EIF3B: variants seen among roughly 807,000 people sequenced by gnomAD.
The protein encoded by EIF3B is eukaryotic translation initiation factor 3 subunit B, also known as eukaryotic translation initiation factor 3 subunit 9.
A neutral mutation model predicts 104.6 loss-of-function variants in EIF3B; 10 were observed. The ratio of observed to expected loss-of-function variants is 0.10; its 90% confidence interval spans 0.06 to 0.16. The LOEUF (loss-of-function observed/expected upper bound fraction) is 0.16. Ranked by LOEUF, EIF3B falls within the 10% of genes least tolerant of loss-of-function variation. The pLI is 1.00. For synonymous variants in EIF3B, 542 were observed against 417.2 expected (o/e 1.30, Z -3.65); for missense variants, 1,014 against 1,087.9 (o/e 0.93, Z 0.96).
At chr7:2,363,186 G>C in intron 4 of EIF3B, 59 bp downstream of exon 4, 1 of 1,511,084 alleles carries the variant, frequency 6.6e-7, no homozygotes, top group Non-Finnish European at 9.2e-7. Flanking sequence ...GGTGTGGTGG[G>C]TCACACCTGC....
At chr7:2,372,540 C>A in intron 11 of EIF3B, 133 bp from the exon 12 acceptor site, 3 of 1,148,748 alleles carry the variant, frequency 2.6e-6, no homozygotes, top group African/African-American at 3.1e-5. Flanking sequence ...GTTGCTTGCT[C>A]TCCCGTCCTT....
At position 2,355,038 on chromosome 7, in the gene EIF3B, G is replaced by C; in HGVS notation, c.117G>C (p.Gly39=). The C allele has an allele frequency of 1.0e-5, 12 of 1,202,906 alleles. No individual in the cohort carries two copies. The highest frequency in any genetic ancestry group is 1.2e-5 in the Non-Finnish European group (12 of 970,202). 74.5% of individuals were successfully genotyped at this position (1,202,906 alleles called of 1,614,324 possible). A position where few individuals can be genotyped will look rare whatever the true frequency, so the allele number is the denominator to read the frequency against. The change falls in exon 1 of 19, where the codon GGG becomes GGC. Residue 39 remains glycine, a synonymous_variant. Coordinates refer to ENST00000360876, the MANE Select transcript of EIF3B (RefSeq NM_001037283.2). ...PPAEGLLRPA[G]PGAPEAAGTE... ...CCGAGGGGCTGCTGCGGCCCGCGGGGCCCGGCGCTCCGGAGGCCGCGGGGA... is the reference window on the plus strand; with the variant it reads ...CCGAGGGGCTGCTGCGGCCCGCGGGCCCCGGCGCTCCGGAGGCCGCGGGGA...
chr7:2,356,459 G>T (rs1425076613), intron 1 of EIF3B, among the ~76,000 whole-genome samples: 1 of 151,968 alleles, frequency 6.6e-6, no homozygotes, highest in African/African-American at 2.4e-5. Context: ...AAAATTAGCC[G>T]GGCGTGGTGG....
At chr7:2,370,251 C>T (rs966229126) in intron 10 of EIF3B, among the ~76,000 whole-genome samples, 3 of 150,712 alleles carry the variant, frequency 2.0e-5, no homozygotes, top group African/African-American at 4.9e-5. Context: ...CCGAGGTGGG[C>T]GGATCATGAG....
chr7:2,375,707 G>A (rs1780594223), intron 14 of EIF3B, among the ~76,000 whole-genome samples, 180 bp downstream of exon 14: 1 of 152,158 alleles, frequency 6.6e-6, no homozygotes, highest in Admixed American at 6.5e-5. Flanking sequence ...AAGAGGTGGC[G>A]CCGAGTGCAG....
intron 13 of EIF3B, chr7:2,374,884 A>G (rs1451212097): frequency 2.7e-6 from 1 of 369,264 alleles, no homozygotes; most frequent in East Asian, 4.2e-5. Flanking sequence ...GTGGTTAAAC[A>G]AGTGCCTTCC....
Position 2,356,900 on chromosome 7 carries a change from A to T in EIF3B, c.499+1480A>T, listed in dbSNP as rs149277024. On this transcript the variant is annotated intron_variant, in intron 1 of 18. Coordinates refer to ENST00000360876, the MANE Select transcript of EIF3B (RefSeq NM_001037283.2). The stretch of plus-strand genomic sequence containing the variant: ...TTTTAGCATGAAAAGCAGGAAGGAC[A>T]CCACAAACTAAAGACTTTGGGAACA... Among the ~76,000 whole-genome samples, 832 of 152,246 alleles carry T rather than the reference A, an allele frequency of 5.5e-3. 3 individuals are homozygous for T. Among genetic ancestry groups the T allele is most frequent in the Non-Finnish European group, 9.4e-3 (641 of 68,018 alleles).
chr7:2,358,088 T>C (rs1779547973), intron 1 of EIF3B, among the ~76,000 whole-genome samples: 1 of 152,176 alleles, frequency 6.6e-6, no homozygotes, highest in South Asian at 2.1e-4. Flanking sequence ...TAAGGCAGTA[T>C]TTTCAATATT....
chr7:2,356,345 G>A (rs1160979627), intron 1 of EIF3B, among the ~76,000 whole-genome samples: 1 of 152,142 alleles, frequency 6.6e-6, no homozygotes, highest in Non-Finnish European at 1.5e-5. Flanking sequence ...GGGCTGGGTG[G>A]CTCACGCCTG....
chr7:2,367,417 G>A, intron 9 of EIF3B, among the ~76,000 whole-genome samples: 1 of 147,132 alleles, frequency 6.8e-6, no homozygotes, highest in Non-Finnish European at 1.5e-5. Context: ...GGGGGACACA[G>A]ACGTGGTCCA....
chr7:2,355,191 G>A lies in EIF3B; in HGVS notation c.270G>A (p.Glu90=), dbSNP rs1191759060. 6.8e-7 allele frequency: 1 copy of A among 1,476,372 alleles called. No homozygotes were observed. The highest frequency in any genetic ancestry group is 8.9e-7 in the Non-Finnish European group (1 of 1,122,984). 91.5% of individuals were successfully genotyped at this position (1,476,372 alleles called of 1,614,324 possible). ...AGTCGCCCTCGCCGCCGGCCGCCGA[G>A]GAGCTGCCCGGGTCGCATGCTGAGC... ...PSESPSPPAA[E]ELPGSHAEPP... Residue 90 remains glutamate, a synonymous_variant, in exon 1 of 19, where the codon GAG becomes GAA. Transcript: ENST00000360876.
At position 2,371,810 on chromosome 7, in the gene EIF3B, A is replaced by G; in HGVS notation, c.1648A>G (p.Arg550Gly). 1 of 1,613,884 alleles carries G rather than the reference A, an allele frequency of 6.2e-7. No individual in the cohort carries two copies. Among genetic ancestry groups the G allele is most frequent in the Non-Finnish European group, 8.5e-7 (1 of 1,179,968 alleles). ...VVTNFEIFRM[R>G]EKQVPVDVVE... ...CACAAATTTTGAAATTTTCCGAATG[A>G]GGGAGAAACAGGTACCTGTGGATGT... The change falls in exon 11 of 19, where the codon AGG (arginine) becomes GGG (glycine). Residue 550 changes from arginine (R) to glycine (G), a missense_variant. By Grantham distance (125) the Arg-to-Gly change is moderately radical. This residue lies in a region of EIF3B where 59 missense variants were observed against 118.8 expected (regional missense o/e 0.50). Coordinates refer to ENST00000360876, the MANE Select transcript of EIF3B (RefSeq NM_001037283.2).
rs778998357 is a variant in EIF3B at position 2,367,058 on chromosome 7, A to C, written c.1403+13A>C. 1.2e-6 allele frequency: 2 copies of C among 1,608,522 alleles called. No individual in the cohort carries two copies. The highest frequency in any genetic ancestry group is 2.2e-5 in the South Asian group (2 of 90,764). ...TCTCTGGGATAAAGTGAGTATTCTT[A>C]TCAGTTTGGTGTCTTAGTGTGTTCA... On this transcript the variant is annotated intron_variant, in intron 9 of 18. Coordinates refer to ENST00000360876, the MANE Select transcript of EIF3B (RefSeq NM_001037283.2).
At chr7:2,376,897 G>A (rs1191987922) in intron 14 of EIF3B, 53 bp from the exon 15 acceptor site, 16 of 1,580,004 alleles carry the variant, frequency 1.0e-5, no homozygotes, top group Admixed American at 1.7e-5. Context: ...ACATAGTCAC[G>A]GTTGTGGCTC....
Position 2,355,180 on chromosome 7 carries a change from C to G in EIF3B, c.259C>G (p.Pro87Ala), listed in dbSNP as rs1394270605. 2.7e-6 allele frequency: 4 copies of G among 1,466,758 alleles called. No homozygotes were observed. The East Asian group carries it at 8.8e-5, about 32-fold the overall frequency. 90.9% of individuals were successfully genotyped at this position (1,466,758 alleles called of 1,614,324 possible). Residue 87 changes from proline (P) to alanine (A), a missense_variant, in exon 1 of 19, where the codon CCG becomes GCG. By Grantham distance (27) the Pro-to-Ala change is conservative. Transcript: ENST00000360876. ...ASGPSESPSP[P>A]AAEELPGSHA... is the part of the protein sequence containing the mutation. ...CGGCCCGTCCGAGTCGCCCTCGCCG[C>G]CGGCCGCCGAGGAGCTGCCCGGGTC...
At chr7:2,372,187 C>T (rs777608026) in intron 11 of EIF3B, 7 of 281,756 alleles carry the variant, frequency 2.5e-5, no homozygotes, top group Non-Finnish European at 4.7e-5. Context: ...GCCTGGGTGA[C>T]GGAGCAAGAC....
In EIF3B at chr7:2,354,852, G is replaced by C. The variant is rs1244481242; in HGVS notation, c.-70G>C. Reference sequence around the variant, plus strand: ...ATGGCTGGGCTGTAGCCGTCGCGGCGCGCGGTGCGGCCTGGGAGAGTCGGA... The same window carrying C: ...ATGGCTGGGCTGTAGCCGTCGCGGCCCGCGGTGCGGCCTGGGAGAGTCGGA... On this transcript the variant is annotated 5_prime_UTR_variant, in exon 1 of 19. Transcript: ENST00000360876. 1 of 1,068,128 alleles carries C rather than the reference G, an allele frequency of 9.4e-7. No individual in the cohort carries two copies. The highest frequency in any genetic ancestry group is 6.3e-5 in the East Asian group (1 of 15,962). The allele number at this position is 1,068,128 out of a possible 1,614,324, so 66.2% of individuals were successfully genotyped here.
intron 1 of EIF3B, among the ~76,000 whole-genome samples, chr7:2,357,825 G>A (rs772267372): frequency 2.6e-5 from 4 of 152,100 alleles, no homozygotes; most frequent in East Asian, 1.9e-4. Context: ...TAGACTAGAC[G>A]CTTTGAGCTT....
intron 10 of EIF3B, among the ~76,000 whole-genome samples, chr7:2,370,607 T>C (rs1369131613): frequency 6.6e-6 from 1 of 152,192 alleles, no homozygotes; most frequent in Admixed American, 6.5e-5. Flanking sequence ...GTGAACTGGT[T>C]CAGTGGTTTT....
Sources: allele counts gnomAD v4.1 joint callset (sites outside exome capture counted in the v4.1 genomes callset), GRCh38; gene constraint gnomAD v4.1.1; regional missense constraint gnomAD v4.1.1; transcripts MANE v1.5; gene names NCBI Gene and HGNC (gene_info 2026-07-23, HGNC 2026-07-21).